The following GULP1 variants were observed in gnomAD, a reference collection of about 807,000 sequenced individuals.
GULP1 encodes PTB domain-containing engulfment adapter protein 1.
A neutral mutation model predicts 40.9 loss-of-function variants in GULP1; 19 were observed. The observed-to-expected ratio is 0.46, with a 90% CI of 0.32 to 0.68. GULP1 has a LOEUF of 0.68. GULP1 is among the 30% of genes least tolerant of loss of function. GULP1 has a pLI of 0.03. For missense variants in GULP1, 312 were observed against 362.2 expected (o/e 0.86, Z 1.12); for synonymous variants, 119 against 117.6 (o/e 1.01, Z -0.08).
At chr2:188,434,929 G>A (rs112920598) in intron 2 of GULP1, among the ~76,000 whole-genome samples, 38 of 151,982 alleles carry the variant, frequency 2.5e-4, no homozygotes, top group African/African-American at 7.7e-4. Context: ...TAAGATGTGA[G>A]CACAATGTTT....
chr2:188,313,562 T>A (rs2038548152), intron 1 of GULP1, among the ~76,000 whole-genome samples: 1 of 152,204 alleles, frequency 6.6e-6, no homozygotes, highest in Non-Finnish European at 1.5e-5. Flanking sequence ...CCTTCAGCTG[T>A]GCTCCTTTTG....
At chr2:188,300,889 G>C (rs2036012593) in intron 1 of GULP1, among the ~76,000 whole-genome samples, 1 of 152,096 alleles carries the variant, frequency 6.6e-6, no homozygotes, top group Non-Finnish European at 1.5e-5. Flanking sequence ...ATCACAATAA[G>C]AAATAACTGT....
At chr2:188,352,264 A>G (rs1336708187) in intron 1 of GULP1, among the ~76,000 whole-genome samples, 2 of 152,184 alleles carry the variant, frequency 1.3e-5, no homozygotes, top group East Asian at 1.9e-4. Flanking sequence ...CGTTCAATCA[A>G]CTGGAGATTT....
At chr2:188,452,284 G>A (rs1455592222) in intron 2 of GULP1, among the ~76,000 whole-genome samples, 1 of 152,068 alleles carries the variant, frequency 6.6e-6, no homozygotes, top group Non-Finnish European at 1.5e-5. Context: ...ATGAATCAGA[G>A]AACTAGAAAA....
chr2:188,427,041 A>G (rs920511395), intron 2 of GULP1, among the ~76,000 whole-genome samples: 1 of 152,170 alleles, frequency 6.6e-6, no homozygotes, highest in Non-Finnish European at 1.5e-5. Context: ...GCTTGGTTGC[A>G]TTTTGCCTCT....
At chr2:188,444,671 G>A (rs1215549864) in intron 2 of GULP1, among the ~76,000 whole-genome samples, 2 of 152,058 alleles carry the variant, frequency 1.3e-5, no homozygotes, top group Admixed American at 6.6e-5. Context: ...TGTGCATTCC[G>A]GTCCTCAGCA....
intron 2 of GULP1, among the ~76,000 whole-genome samples, chr2:188,459,353 A>T (rs1246989657): frequency 6.6e-6 from 1 of 152,070 alleles, no homozygotes; most frequent in Non-Finnish European, 1.5e-5. Context: ...TCTCGCTAGC[A>T]TTTTTTATTG....
At chr2:188,372,248 G>T (rs1014329439) in intron 1 of GULP1, among the ~76,000 whole-genome samples, 1 of 152,052 alleles carries the variant, frequency 6.6e-6, no homozygotes, top group African/African-American at 2.4e-5. Context: ...TTCTCCAGAG[G>T]AGTTACCTCC....
chr2:188,350,268 G>T (rs1157721582), intron 1 of GULP1, among the ~76,000 whole-genome samples: 1 of 152,022 alleles, frequency 6.6e-6, no homozygotes, highest in Non-Finnish European at 1.5e-5. Flanking sequence ...GATTGCATTA[G>T]ATCTGTAGGT....
chr2:188,363,472 A>C (rs1414372419), intron 1 of GULP1, among the ~76,000 whole-genome samples: 1 of 152,156 alleles, frequency 6.6e-6, no homozygotes, highest in Non-Finnish European at 1.5e-5. Flanking sequence ...GGAAACATTG[A>C]AGGATGGTAG....
chr2:188,349,858 A>G (rs1452980180), intron 1 of GULP1, among the ~76,000 whole-genome samples: 6 of 152,140 alleles, frequency 3.9e-5, no homozygotes, highest in Non-Finnish European at 8.8e-5. Flanking sequence ...AGTAAGCTCT[A>G]TAAACTATTG....
intron 9 of GULP1, among the ~76,000 whole-genome samples, chr2:188,576,572 T>TA (rs1382992821): frequency 6.6e-6 from 1 of 152,168 alleles, no homozygotes; most frequent in East Asian, 1.9e-4. Flanking sequence ...AATATTTTCT[T>TA]ACTTGTTTTT....
At chr2:188,499,601 C>A (rs1311600703) in intron 4 of GULP1, among the ~76,000 whole-genome samples, 1 of 151,716 alleles carries the variant, frequency 6.6e-6, no homozygotes, top group African/African-American at 2.4e-5. Context: ...TGGAATACAA[C>A]CTCCAAGTGC....
At chr2:188,327,715 C>T (rs1046601770) in intron 1 of GULP1, among the ~76,000 whole-genome samples, 1 of 152,072 alleles carries the variant, frequency 6.6e-6, no homozygotes, top group African/African-American at 2.4e-5. Context: ...TGGACATGGA[C>T]AATTTTGAAT....
intron 1 of GULP1, among the ~76,000 whole-genome samples, chr2:188,355,048 A>G (rs1212253858): frequency 6.6e-6 from 1 of 152,166 alleles, no homozygotes; most frequent in African/African-American, 2.4e-5. Context: ...TAAAAGGAGT[A>G]TTAAGAGGCA....
chr2:188,482,986 A>G (rs1328341244), intron 3 of GULP1, among the ~76,000 whole-genome samples: 1 of 151,908 alleles, frequency 6.6e-6, no homozygotes, highest in Non-Finnish European at 1.5e-5. Flanking sequence ...TCCCTTTAGA[A>G]TAACTAAATC....
intron 4 of GULP1, among the ~76,000 whole-genome samples, chr2:188,505,902 C>T (rs1317074835): frequency 6.6e-6 from 1 of 151,838 alleles, no homozygotes; most frequent in Non-Finnish European, 1.5e-5. Context: ...ATGCCTCAGA[C>T]TTACCTCTTT....
intron 2 of GULP1, among the ~76,000 whole-genome samples, chr2:188,405,301 T>C (rs2052913216): frequency 6.6e-6 from 1 of 151,908 alleles, no homozygotes. Context: ...TGATTGGCTC[T>C]CACAGACTCA....
intron 4 of GULP1, among the ~76,000 whole-genome samples, chr2:188,514,552 T>G (rs1281773863): frequency 6.6e-6 from 1 of 152,192 alleles, no homozygotes; most frequent in Non-Finnish European, 1.5e-5. Context: ...TTTCTTTTGC[T>G]CTTTGCCAAA....
Sources: allele counts gnomAD v4.1 joint callset (sites outside exome capture counted in the v4.1 genomes callset), GRCh38; gene constraint gnomAD v4.1.1; transcripts MANE v1.5; gene names NCBI Gene and HGNC (gene_info 2026-07-23, HGNC 2026-07-21).